HIP1: variants seen among roughly 807,000 people sequenced by gnomAD.
HIP1 encodes huntingtin-interacting protein 1.
A neutral mutation model predicts 147.6 loss-of-function variants in HIP1; 65 were observed. The ratio of observed to expected loss-of-function variants is 0.44; its 90% CI spans 0.36 to 0.54. The LOEUF is 0.54. Among genes scored for constraint, HIP1 ranks in the 20% least tolerant of loss-of-function variants. The pLI, the probability that HIP1 is intolerant of heterozygous loss-of-function variation, is 0.00. For synonymous variants in HIP1, 479 were observed against 504.0 expected (o/e 0.95, Z 0.67); for missense variants, 1,061 against 1,299.6 (o/e 0.82, Z 2.82).
rs906850542 is a variant in HIP1, at chr7:75,559,367, T to C, written c.1375+365A>G. On this transcript the variant is annotated intron_variant, in intron 14 of 30. Transcript: ENST00000336926. ...CTGGCCTCAAGCAGTCCTTCCATCC[T>C]GGCCTCCCAGAGTGCTAGGATTACA... is the stretch of plus-strand genomic sequence containing the variant. Among the ~76,000 whole-genome samples, 5 of 152,166 alleles carry C rather than the reference T, an allele frequency of 3.3e-5. No homozygotes were observed. In the East Asian group the frequency reaches 5.8e-4, roughly 18 times the overall value.
chr7:75,614,901 T>C (rs1426598928), intron 1 of HIP1, among the ~76,000 whole-genome samples: 2 of 151,954 alleles, frequency 1.3e-5, no homozygotes, highest in South Asian at 2.1e-4. Flanking sequence ...AGCCTCCTGA[T>C]AGCTGGGATT....
chr7:75,676,043 T>A (rs1799875494), intron 1 of HIP1, among the ~76,000 whole-genome samples: 1 of 152,190 alleles, frequency 6.6e-6, no homozygotes, highest in South Asian at 2.1e-4. Context: ...ACCGGACATT[T>A]CAAATAATAT....
chr7:75,545,310 T>A (rs1554490800), intron 25 of HIP1, 122 bp from the exon 26 acceptor site: 3 of 679,756 alleles, frequency 4.4e-6, no homozygotes, highest in Non-Finnish European at 7.7e-6. Context: ...AGCATTAGTA[T>A]TCCCATTTTA....
At chr7:75,683,440 G>GC (rs1554517186) in intron 1 of HIP1, among the ~76,000 whole-genome samples, 24 of 75,962 alleles carry the variant, frequency 3.2e-4, no homozygotes, top group African/African-American at 1.1e-3. Flanking sequence ...ACTCGGACTC[G>GC]TTGGGAGTGC....
At chr7:75,608,468 G>A (rs1387794432) in intron 1 of HIP1, among the ~76,000 whole-genome samples, 1 of 152,182 alleles carries the variant, frequency 6.6e-6, no homozygotes, top group African/African-American at 2.4e-5. Context: ...GGCCATGCGT[G>A]AAACACTATT....
At chr7:75,738,015 CT>C (rs1554523896) in intron 1 of HIP1, among the ~76,000 whole-genome samples, 1 of 152,188 alleles carries the variant, frequency 6.6e-6, no homozygotes, top group African/African-American at 2.4e-5. Context: ...TGGATTGTGG[CT>C]TTTTGTTGAT....
chr7:75,586,962 A>G (rs1554499766), intron 4 of HIP1, 129 bp from the exon 5 acceptor site: 1 of 670,584 alleles, frequency 1.5e-6, no homozygotes, highest in Non-Finnish European at 2.7e-6. Flanking sequence ...TTATTTAGAG[A>G]TGGGGTCTAG....
chr7:75,593,341 G>A (rs983637559), intron 2 of HIP1, among the ~76,000 whole-genome samples: 1 of 151,920 alleles, frequency 6.6e-6, no homozygotes, highest in Non-Finnish European at 1.5e-5. Context: ...TAAAAGTAAG[G>A]GTGTGCAAGC....
At chr7:75,727,782 G>T (rs903971103) in intron 1 of HIP1, among the ~76,000 whole-genome samples, 1 of 150,510 alleles carries the variant, frequency 6.6e-6, no homozygotes, top group Non-Finnish European at 1.5e-5. Context: ...GGAGCAGGAG[G>T]TTGCAGTGAG....
chr7:75,581,597 G>C (rs587717015), intron 6 of HIP1, among the ~76,000 whole-genome samples: 1 of 152,260 alleles, frequency 6.6e-6, no homozygotes, highest in South Asian at 2.1e-4. Flanking sequence ...TGGCCAACGC[G>C]GCGAAACCCC....
intron 1 of HIP1, among the ~76,000 whole-genome samples, chr7:75,695,857 GA>G (rs1800618510): frequency 6.6e-6 from 1 of 151,956 alleles, no homozygotes; most frequent in Admixed American, 6.6e-5. Flanking sequence ...TTACAGGCAT[GA>G]GCCACCGTGC....
intron 14 of HIP1, 28 bp from the exon 15 acceptor site, chr7:75,558,283 G>A (rs1490234598): frequency 1.9e-6 from 3 of 1,546,344 alleles, no homozygotes; most frequent in Non-Finnish European, 2.7e-6. Context: ...AAGGTGAGGA[G>A]TCTAACCTAG....
intron 14 of HIP1, 76 bp downstream of exon 14, chr7:75,559,656 C>T (rs1362128364): frequency 2.5e-5 from 30 of 1,206,890 alleles, no homozygotes; most frequent in Non-Finnish European, 2.8e-5. Context: ...GCCTCTGTGC[C>T]GCATCCTGAG....
In HIP1 at chr7:75,555,549, T is replaced by C. The variant is rs368877382; in HGVS notation, c.1830A>G (p.Glu610=). The change falls in exon 19 of 31, where the codon GAA becomes GAG. Residue 610 remains glutamate (E), a splice_region_variant and synonymous_variant. Coordinates refer to ENST00000336926, the MANE Select transcript of HIP1 (RefSeq NM_005338.7). The stretch of plus-strand genomic sequence containing the variant: ...GGTCTTTGGCAAGCTGGCACATAGA[T>C]TCCTAAAAATGGTCCAGGGAGGTGA... The part of the protein sequence containing the change: ...DTQLKLASTE[E]SMCQLAKDQR... The C allele has an allele frequency of 1.1e-5, 18 of 1,614,000 alleles. No homozygotes were observed. The highest frequency in any genetic ancestry group is 1.5e-5 in the Non-Finnish European group (18 of 1,180,030).
intron 6 of HIP1, 80 bp from the exon 7 acceptor site, chr7:75,581,378 C>T (rs782811430): frequency 5.1e-6 from 5 of 972,332 alleles, no homozygotes; most frequent in Non-Finnish European, 8.1e-6. Context: ...ACGCTCTACG[C>T]TACTCCAGTC....
intron 1 of HIP1, among the ~76,000 whole-genome samples, chr7:75,722,278 C>G (rs993531955): frequency 6.6e-6 from 1 of 152,094 alleles, no homozygotes; most frequent in African/African-American, 2.4e-5. Context: ...CCACTGCACT[C>G]CAGCCTGGAC....
At chr7:75,625,670 C>T (rs587657831) in intron 1 of HIP1, 1 of 152,278 alleles carries the variant, frequency 6.6e-6, no homozygotes, top group East Asian at 1.9e-4. Context: ...ATATGTGTGT[C>T]CCCTCCAAAA....
At chr7:75,714,455 CTTTTTTTT>C (rs71082343) in intron 1 of HIP1, among the ~76,000 whole-genome samples, 5 of 137,796 alleles carry the variant, frequency 3.6e-5, no homozygotes, top group Non-Finnish European at 6.3e-5. Flanking sequence ...ATCTTTTTTT[CTTTTTTTT>C]TTTTTTTGAG....
At chr7:75,638,376 C>T (rs913283437) in intron 1 of HIP1, among the ~76,000 whole-genome samples, 5 of 151,544 alleles carry the variant, frequency 3.3e-5, no homozygotes, top group Admixed American at 1.3e-4. Context: ...CTACTGTATT[C>T]GCGGTGGAGG....
Sources: allele counts gnomAD v4.1 joint callset (sites outside exome capture counted in the v4.1 genomes callset), GRCh38; gene constraint gnomAD v4.1.1; transcripts MANE v1.5; gene names NCBI Gene and HGNC (gene_info 2026-07-23, HGNC 2026-07-21).